Variants in PLCH2 observed in about 807,000 individuals in gnomAD.
PLCH2 encodes phospholipase C eta 2, also known as 1-phosphatidylinositol 4,5-bisphosphate phosphodiesterase eta-2.
Under a neutral mutation model 134.7 loss-of-function variants are expected in PLCH2, and 98 were observed. The ratio of observed to expected loss-of-function variants is 0.73; its 90% CI spans 0.62 to 0.86. The LOEUF (loss-of-function observed/expected upper bound fraction) is 0.86. PLCH2 is among the 40% of genes least tolerant of loss of function. PLCH2 has a pLI of 0.00. For synonymous variants in PLCH2, 974 were observed against 827.5 expected (o/e 1.18, Z -3.04); for missense variants, 1,994 against 1,986.6 (o/e 1.00, Z -0.07).
At chr1:2,450,576 C>T (rs1443475050) in intron 2 of PLCH2, among the ~76,000 whole-genome samples, 2 of 111,632 alleles carry the variant, frequency 1.8e-5, no homozygotes. Flanking sequence ...TAACTCCCCA[C>T]CTTCCCCCTC....
intron 20 of PLCH2, chr1:2,501,884 T>G: frequency 2.1e-6 from 1 of 465,142 alleles, no homozygotes; most frequent in South Asian, 4.7e-5. Context: ...GGGTGGGCCA[T>G]GTGTACTTAG....
At chr1:2,427,608 C>T (rs1230047439) in intron 1 of PLCH2, among the ~76,000 whole-genome samples, 1 of 152,162 alleles carries the variant, frequency 6.6e-6, no homozygotes, top group African/African-American at 2.4e-5. Context: ...TGTGGCACCC[C>T]ACTTCCTGGG....
chr1:2,451,201 C>T (rs892888108), intron 2 of PLCH2, among the ~76,000 whole-genome samples: 4 of 152,172 alleles, frequency 2.6e-5, no homozygotes, highest in African/African-American at 9.7e-5. Flanking sequence ...AGGTGCCGGG[C>T]GCTTCTCCAC....
chr1:2,499,756 A>AG, intron 20 of PLCH2, 36 bp downstream of exon 20: 2 of 1,476,372 alleles, frequency 1.4e-6, no homozygotes, highest in African/African-American at 1.4e-5. Flanking sequence ...CATCATGGGG[A>AG]GGGGCCACAC....
rs561041577 is a variant in PLCH2 at position 2,437,011 on chromosome 1, G to A, written c.115+6382G>A. Among the ~76,000 whole-genome samples, 6 of 152,308 alleles carry A rather than the reference G, an allele frequency of 3.9e-5. No homozygotes were observed. In the South Asian group the frequency reaches 8.3e-4, roughly 21 times the overall value. On this transcript the variant is annotated intron_variant, in intron 2 of 3. Transcript: ENST00000609981. ...TGAGGTGCTGCTGGGGCCCCTCCCCGGGGCTTTGCTCCCAAGACCCTCCCA... is the reference window on the plus strand; with the variant it reads ...TGAGGTGCTGCTGGGGCCCCTCCCCAGGGCTTTGCTCCCAAGACCCTCCCA...
At chr1:2,420,709 C>T in the PLCH2 span, among the ~76,000 whole-genome samples, 1 of 152,236 alleles carries the variant, frequency 6.6e-6, no homozygotes, top group South Asian at 2.1e-4. Context: ...AAAATCTCCT[C>T]TTCAGGCCTC....
At chr1:2,470,347 C>G (rs1641266315) in intron 1 of PLCH2, among the ~76,000 whole-genome samples, 1 of 152,214 alleles carries the variant, frequency 6.6e-6, no homozygotes, top group Non-Finnish European at 1.5e-5. Context: ...GGAGACAGGG[C>G]AGCCAGCCCA....
At chr1:2,433,408 G>A (rs1353488328) in intron 2 of PLCH2, among the ~76,000 whole-genome samples, 2 of 152,224 alleles carry the variant, frequency 1.3e-5, no homozygotes, top group African/African-American at 2.4e-5. Flanking sequence ...CCGGGCCGGT[G>A]TGCTCCTGTC....
intron 13 of PLCH2, among the ~76,000 whole-genome samples, chr1:2,495,889 G>A (rs965326290): frequency 2.2e-4 from 33 of 152,150 alleles, no homozygotes; most frequent in South Asian, 4.1e-4. Context: ...TCCCCAGGGG[G>A]CAACAAATGC....
At position 2,439,715 on chromosome 1, in the gene PLCH2, T is replaced by G. The variant is rs1248697551; in HGVS notation, c.115+9086T>G. Reference sequence around the variant, plus strand: ...CCTGAGCCATCTGTTCACCTGGGGCTGACACTGCCACCCTCGGGGGAGAGT... The same window carrying G: ...CCTGAGCCATCTGTTCACCTGGGGCGGACACTGCCACCCTCGGGGGAGAGT... On this transcript the variant is annotated intron_variant, in intron 2 of 3. Coordinates refer to the PLCH2 transcript ENST00000609981. This position sits in a 1 kb window ranked among gnomAD's most constrained non-coding sequence, Gnocchi z 4.7. 6.6e-6 allele frequency among the ~76,000 whole-genome samples: 1 copy of G among 152,164 alleles called. No homozygotes were observed. Among genetic ancestry groups the G allele is most frequent in the Non-Finnish European group, 1.5e-5 (1 of 68,020 alleles).
chr1:2,447,233 G>A (rs554519410), intron 2 of PLCH2, among the ~76,000 whole-genome samples: 15 of 152,338 alleles, frequency 9.8e-5, no homozygotes, highest in Non-Finnish European at 1.8e-4. Flanking sequence ...CCAGGGCTAG[G>A]GTGGCTGCAG....
upstream of PLCH2, among the ~76,000 whole-genome samples, chr1:2,425,164 C>CAAA (rs59406327): frequency 3.5e-5 from 3 of 86,454 alleles, no homozygotes; most frequent in South Asian, 7.1e-4. Context: ...CACTCCGTCT[C>CAAA]AAAAAAAAAA....
chr1:2,484,775 G>C (rs189152656), intron 5 of PLCH2, among the ~76,000 whole-genome samples, 157 bp downstream of exon 5: 4 of 152,328 alleles, frequency 2.6e-5, no homozygotes, highest in African/African-American at 9.6e-5. Flanking sequence ...CCTGCTCTGA[G>C]ATGGAGAGAT....
chr1:2,487,372 G>A lies in PLCH2; in HGVS notation c.1110G>A (p.Val370=). 1.9e-6 allele frequency: 3 copies of A among 1,612,382 alleles called. No individual in the cohort carries two copies. Among genetic ancestry groups the A allele is most frequent in the Non-Finnish European group, 2.5e-6 (3 of 1,179,260 alleles). ...AWVLQAGCRC[V]EVDCWDGPDG... is the part of the protein sequence containing the mutation. ...TCCTGCAGGCTGGCTGCCGCTGCGT[G>A]GAGGGTAAGCCCTGGACCTTGGGTG... The change falls in exon 7 of 22, where the codon GTG becomes GTA. Residue 370 remains valine, a synonymous_variant. Coordinates refer to ENST00000378486, the MANE Select transcript of PLCH2 (RefSeq NM_014638.4).
upstream of PLCH2, among the ~76,000 whole-genome samples, chr1:2,467,180 CGGGAGGGA>C (rs540138760): frequency 4.3e-5 from 6 of 140,228 alleles, no homozygotes; most frequent in African/African-American, 1.5e-4. Flanking sequence ...GGAGCCCTGC[CGGGAGGGA>C]GGGAGGGAGG....
intron 2 of PLCH2, among the ~76,000 whole-genome samples, chr1:2,458,648 T>C (rs1330507345): frequency 1.3e-5 from 2 of 152,078 alleles, no homozygotes; most frequent in East Asian, 3.9e-4. Context: ...AGTGGCTGAG[T>C]GGCCGGAGGA....
chr1:2,458,451 A>ACTGGC (rs1391922373), intron 2 of PLCH2, among the ~76,000 whole-genome samples: 2 of 152,170 alleles, frequency 1.3e-5, no homozygotes, highest in African/African-American at 4.8e-5. Context: ...CCCCTTGGGC[A>ACTGGC]CTGGCCTGGC....
chr1:2,436,027 C>CTCCTCCCCTCCTCCCTTCCTCTCTCCT (rs1553238630), intron 2 of PLCH2, among the ~76,000 whole-genome samples: 1 of 94,586 alleles, frequency 1.1e-5, no homozygotes, highest in Non-Finnish European at 2.2e-5. Context: ...TCTCTCCTCC[C>CTCCTCCCCTCCTCCCTTCCTCTCTCCT]TCCTCCCCTC....
chr1:2,480,454 T>C, intron 4 of PLCH2, 142 bp downstream of exon 4: 4 of 969,622 alleles, frequency 4.1e-6, no homozygotes, highest in Non-Finnish European at 6.1e-6. Flanking sequence ...AGCTGGCTGC[T>C]GAGGATGGGG....
Sources: gnomAD v4.1 joint callset for allele counts (sites outside exome capture counted in the v4.1 genomes callset) on GRCh38, gnomAD v4.1.1 for gene constraint, Gnocchi (gnomAD v3.1) non-coding constraint, MANE v1.5 for transcripts, NCBI Gene and HGNC (gene_info 2026-07-23, HGNC 2026-07-21) for gene names.